Variants in RTCA observed in about 807,000 individuals in gnomAD.
The protein encoded by RTCA is RNA 3'-terminal phosphate cyclase.
Under a neutral mutation model 46.1 loss-of-function variants are expected in RTCA, and 37 were observed. The observed-to-expected ratio is 0.80, with a 90% CI of 0.62 to 1.06. The LOEUF (loss-of-function observed/expected upper bound fraction) is 1.06. RTCA is among the 50% of genes least tolerant of loss of function. The pLI is 0.00. For synonymous variants in RTCA, 164 were observed against 158.3 expected (o/e 1.04, Z -0.27); for missense variants, 435 against 455.5 (o/e 0.95, Z 0.41).
intron 8 of RTCA, among the ~76,000 whole-genome samples, chr1:100,280,300 G>C (rs756596874): frequency 1.2e-4 from 19 of 152,244 alleles, no homozygotes; most frequent in Admixed American, 2.6e-4. Flanking sequence ...GATTGTAAAG[G>C]GATCATTACT....
chr1:100,290,979 A>G (rs975246660), intron 10 of RTCA, among the ~76,000 whole-genome samples: 9 of 152,208 alleles, frequency 5.9e-5, no homozygotes, highest in African/African-American at 2.2e-4. Flanking sequence ...GCAAGAAAAA[A>G]TGTAAAGAAA....
chr1:100,277,323 T>G lies in RTCA; in HGVS notation c.799+7T>G. 1 of 1,607,262 alleles carries G rather than the reference T, an allele frequency of 6.2e-7. No homozygotes were observed. On this transcript the variant is annotated splice_region_variant and intron_variant, in intron 8 of 10. Transcript: ENST00000370128. ...TCATCGCTTGGTAAACGAGGTAAGA[T>G]AAATGAAGGGGGTCCATAGTTCCCA...
At chr1:100,274,119 A>G (rs1666245690) in intron 5 of RTCA, among the ~76,000 whole-genome samples, 1 of 152,074 alleles carries the variant, frequency 6.6e-6, no homozygotes, top group African/African-American at 2.4e-5. Flanking sequence ...GAAACTTATA[A>G]TTCTTTATGA....
chr1:100,278,913 TCTGTG>T, intron 8 of RTCA, among the ~76,000 whole-genome samples: 1 of 152,328 alleles, frequency 6.6e-6, no homozygotes, highest in East Asian at 1.9e-4. Flanking sequence ...TGAATTAGAA[TCTGTG>T]GGAGTGGGGC....
chr1:100,286,347 G>A (rs1040907371), intron 9 of RTCA, among the ~76,000 whole-genome samples: 7 of 151,442 alleles, frequency 4.6e-5, no homozygotes, highest in East Asian at 1.9e-4. Context: ...GTAGCTACTC[G>A]GGAGGCTGAG....
At chr1:100,279,804 A>G (rs1257370718) in intron 8 of RTCA, among the ~76,000 whole-genome samples, 1 of 152,174 alleles carries the variant, frequency 6.6e-6, no homozygotes, top group African/African-American at 2.4e-5. Context: ...TCTGTGTTTG[A>G]GCAAGCAACT....
chr1:100,267,357 G>T, intron 2 of RTCA: 1 of 894,774 alleles, frequency 1.1e-6, no homozygotes, highest in Non-Finnish European at 1.5e-6. Context: ...AATTGCCTTT[G>T]TCATAGTTTG....
In RTCA at chr1:100,266,457, A is replaced by T. The variant is rs1275239339; in HGVS notation, c.45+37A>T. On this transcript the variant is annotated intron_variant, in intron 1 of 10. Transcript: ENST00000370128. The stretch of plus-strand genomic sequence containing the variant: ...GCGAAGCGGCCGGGGCTGCAGCCTA[A>T]CTAAGGAGGGGAGCTCTCACCACCG... 4 of 1,608,040 alleles carry T rather than the reference A, an allele frequency of 2.5e-6. No individual in the cohort carries two copies. In the South Asian group the frequency reaches 4.4e-5, roughly 18 times the overall value.
At chr1:100,289,308 T>G (rs9727631) in intron 10 of RTCA, among the ~76,000 whole-genome samples, 105,849 of 149,946 alleles carry the variant, frequency 0.71, 40,988 homozygotes, top group East Asian at 0.93. Context: ...TTTTTTTTGT[T>G]TTTGTTTTTG....
chr1:100,266,882 TAAAA>T, intron 2 of RTCA: 1 of 510,152 alleles, frequency 2.0e-6, no homozygotes, highest in Admixed American at 3.2e-5. Context: ...AGCTAGCTTT[TAAAA>T]TGTTTTCTCA....
At chr1:100,276,485 TG>T (rs1330951103) in intron 7 of RTCA, among the ~76,000 whole-genome samples, 2 of 152,118 alleles carry the variant, frequency 1.3e-5, no homozygotes, top group Non-Finnish European at 2.9e-5. Flanking sequence ...AAGATCATCC[TG>T]GCCAACATGG....
chr1:100,272,272 T>G (rs370246550), intron 4 of RTCA, among the ~76,000 whole-genome samples: 1 of 152,198 alleles, frequency 6.6e-6, no homozygotes, highest in East Asian at 1.9e-4. Flanking sequence ...TTTTGCATTA[T>G]TACCAGTACT....
chr1:100,266,528 G>A lies in RTCA; in HGVS notation c.50G>A (p.Gly17Asp). 1 of 1,613,006 alleles carries A rather than the reference G, an allele frequency of 6.2e-7. No homozygotes were observed. The highest frequency in any genetic ancestry group is 8.5e-7 in the Non-Finnish European group (1 of 1,179,088). The change falls in exon 2 of 11, where the codon GGC (glycine) becomes GAC (aspartate). Residue 17 changes from glycine to aspartate, a missense_variant. Coordinates refer to ENST00000370128, the MANE Select transcript of RTCA (RefSeq NM_003729.4). ...EVDGSIMEGG[G>D]QILRVSTALS... ...CCTGTACCCCAACCTTTGCAGGGCG[G>A]CCAGATCCTGAGAGTCTCTACGGCC...
chr1:100,267,331 C>A (rs1665839506), intron 2 of RTCA: 1 of 602,462 alleles, frequency 1.7e-6, no homozygotes, highest in Non-Finnish European at 2.5e-6. Context: ...AAGGCAATTA[C>A]TGATATGTTA....
chr1:100,268,374 T>G (rs1366221434), intron 3 of RTCA, 79 bp downstream of exon 3: 6 of 1,172,118 alleles, frequency 5.1e-6, no homozygotes, highest in Non-Finnish European at 7.2e-6. Flanking sequence ...AGTTGCTTAA[T>G]GTCTATGAGC....
At chr1:100,290,391 A>G (rs942132158) in intron 10 of RTCA, among the ~76,000 whole-genome samples, 2 of 152,160 alleles carry the variant, frequency 1.3e-5, no homozygotes, top group African/African-American at 4.8e-5. Flanking sequence ...GGTGTGCACC[A>G]CTGCACCTGG....
intron 8 of RTCA, 121 bp downstream of exon 8, chr1:100,277,437 CT>C: frequency 1.1e-6 from 1 of 884,004 alleles, no homozygotes. Context: ...AATTGATTCT[CT>C]TTTAGAGTCA....
At chr1:100,286,266 C>T (rs571571911) in intron 9 of RTCA, among the ~76,000 whole-genome samples, 2 of 152,056 alleles carry the variant, frequency 1.3e-5, no homozygotes, top group South Asian at 4.2e-4. Context: ...TCCTGGCTAA[C>T]ACGGTGAAAC....
intron 8 of RTCA, chr1:100,281,328 G>A (rs781561579): frequency 1.9e-6 from 1 of 531,874 alleles, no homozygotes; most frequent in African/African-American, 2.0e-5. Flanking sequence ...ATGATAGAGA[G>A]CACTAAACAG....
Sources: allele counts gnomAD v4.1 joint callset (sites outside exome capture counted in the v4.1 genomes callset), GRCh38; gene constraint gnomAD v4.1.1; transcripts MANE v1.5; gene names NCBI Gene and HGNC (gene_info 2026-07-23, HGNC 2026-07-21).